ITGA11: variants seen among roughly 807,000 people sequenced by gnomAD.
The protein encoded by ITGA11 is integrin alpha-11.
In ITGA11, 97 loss-of-function variants were observed where a neutral mutation model predicts 141.9. The observed-to-expected ratio is 0.68, with a 90% CI of 0.58 to 0.81. The LOEUF (loss-of-function observed/expected upper bound fraction) is 0.81. Ranked by LOEUF, ITGA11 falls within the 30% of genes least tolerant of loss-of-function variation. ITGA11 has a pLI of 0.00. For synonymous variants in ITGA11, 658 were observed against 624.6 expected, an observed-to-expected ratio of 1.05 and a Z score of -0.80; for missense variants, 1,387 against 1,559.2, an observed-to-expected ratio of 0.89 and a Z score of 1.86.
intron 2 of ITGA11, among the ~76,000 whole-genome samples, chr15:68,371,830 G>A (rs1175770175): frequency 6.6e-6 from 1 of 152,090 alleles, no homozygotes; most frequent in Non-Finnish European, 1.5e-5. Flanking sequence ...CAGTGGCTGA[G>A]ATGGGACAAT....
In ITGA11 at chr15:68,372,847, A is replaced by G. The variant is rs796490983; in HGVS notation, c.165-3563T>C. ...CTGAATTCTGCTTATCCTCAGCTCCATTCTTCCAGGCAGTTTTGGTCTCTA... is the reference window on the plus strand; with the variant it reads ...CTGAATTCTGCTTATCCTCAGCTCCGTTCTTCCAGGCAGTTTTGGTCTCTA... On this transcript the variant is annotated intron_variant, in intron 2 of 29. Coordinates refer to ENST00000315757, the MANE Select transcript of ITGA11 (RefSeq NM_001004439.2). 6.6e-5 allele frequency among the ~76,000 whole-genome samples: 10 copies of G among 152,260 alleles called. No homozygotes were observed. In the South Asian group the frequency reaches 2.1e-3, roughly 32 times the overall value.
At chr15:68,400,194 TC>T (rs1304090966) in intron 2 of ITGA11, among the ~76,000 whole-genome samples, 3 of 152,062 alleles carry the variant, frequency 2.0e-5, no homozygotes, top group Non-Finnish European at 2.9e-5. Context: ...TTGTGCCAGA[TC>T]AACTGGCCAT....
Position 68,421,344 on chromosome 15 carries a change from G to A in ITGA11, c.52+10671C>T, listed in dbSNP as rs899480345. ...GGAGGCCCCAGGGGTGGAGCGGAGT[G>A]AGCCAGTGGGGAAGGCACAGAGGAG... On this transcript the variant is annotated intron_variant, in intron 1 of 29. Coordinates refer to ENST00000315757, the MANE Select transcript of ITGA11 (RefSeq NM_001004439.2). Among the ~76,000 whole-genome samples the A allele has an allele frequency of 3.9e-5, 6 of 152,210 alleles. No individual in the cohort carries two copies. In the South Asian group the frequency reaches 6.2e-4, roughly 16 times the overall value.
chr15:68,427,648 T>C lies in ITGA11; in HGVS notation c.52+4367A>G, dbSNP rs188562795. Among the ~76,000 whole-genome samples, 436 of 152,316 alleles carry C rather than the reference T, an allele frequency of 2.9e-3. 1 individual carries two copies. Among genetic ancestry groups the C allele is most frequent in the Admixed American group, 4.2e-3 (64 of 15,308 alleles). On this transcript the variant is annotated intron_variant, in intron 1 of 29. Transcript: ENST00000315757. ...TCCATGGAATTTTTTTGCAGCTCAC[T>C]TATTTTAGATTTACAAGATGACCAG...
chr15:68,430,902 C>G (rs1291761707), intron 1 of ITGA11, among the ~76,000 whole-genome samples: 4 of 152,222 alleles, frequency 2.6e-5, no homozygotes, highest in African/African-American at 9.6e-5. Flanking sequence ...CTGGGGCAAG[C>G]GGCTGCGGGA....
chr15:68,419,337 C>T (rs1000544631), intron 1 of ITGA11, among the ~76,000 whole-genome samples: 7 of 152,156 alleles, frequency 4.6e-5, no homozygotes, highest in African/African-American at 1.7e-4. Context: ...TCTGCCTTTG[C>T]TAGAAAATGA....
intron 1 of ITGA11, among the ~76,000 whole-genome samples, chr15:68,425,178 AAACAACAG>A (rs1490105630): frequency 2.0e-5 from 3 of 152,216 alleles, no homozygotes; most frequent in African/African-American, 7.2e-5. Flanking sequence ...CTTCCTTGCC[AAACAACAG>A]GCCCACGGGG....
At chr15:68,426,021 G>A (rs546110529) in intron 1 of ITGA11, among the ~76,000 whole-genome samples, 4 of 152,346 alleles carry the variant, frequency 2.6e-5, no homozygotes, top group Non-Finnish European at 5.9e-5. Context: ...GTTATAGAAC[G>A]AGGCTGCCCA....
At chr15:68,374,026 A>C (rs930256199) in intron 2 of ITGA11, among the ~76,000 whole-genome samples, 1 of 152,198 alleles carries the variant, frequency 6.6e-6, no homozygotes, top group African/African-American at 2.4e-5. Context: ...TAATGTTTAG[A>C]GTGTACAAGG....
At chr15:68,365,462 A>G in intron 3 of ITGA11, 1 of 424,042 alleles carries the variant, frequency 2.4e-6, no homozygotes, top group Non-Finnish European at 3.2e-6. Flanking sequence ...TCATAAAAAA[A>G]TTGCATCGCT....
chr15:68,386,002 C>T (rs1466991413), intron 2 of ITGA11, among the ~76,000 whole-genome samples: 5 of 152,134 alleles, frequency 3.3e-5, no homozygotes, highest in African/African-American at 9.7e-5. Flanking sequence ...TGTCCCTCCC[C>T]AGCCCACCAT....
intron 2 of ITGA11, among the ~76,000 whole-genome samples, chr15:68,373,005 AT>A (rs146585311): frequency 3.9e-5 from 6 of 152,098 alleles, no homozygotes; most frequent in African/African-American, 1.4e-4. Context: ...TAGTAATTCT[AT>A]TTTTTTCAGA....
chr15:68,358,117 C>G (rs184086433), intron 6 of ITGA11, among the ~76,000 whole-genome samples: 1 of 152,302 alleles, frequency 6.6e-6, no homozygotes, highest in African/African-American at 2.4e-5. Context: ...CCTCCATGAC[C>G]TGTATGTCTA....
intron 1 of ITGA11, among the ~76,000 whole-genome samples, chr15:68,413,746 C>A (rs529619446): frequency 2.0e-5 from 3 of 152,318 alleles, no homozygotes; most frequent in African/African-American, 7.2e-5. Context: ...GTTGTCGGCA[C>A]TCGAGCATCT....
intron 1 of ITGA11, among the ~76,000 whole-genome samples, chr15:68,406,464 T>C (rs7162189): frequency 0.13 from 19,438 of 152,072 alleles, 2,345 homozygotes; most frequent in African/African-American, 0.32. Context: ...AATGCTCTTC[T>C]TCCCATACCT....
intron 2 of ITGA11, among the ~76,000 whole-genome samples, chr15:68,384,493 G>A (rs559829545): frequency 7.2e-5 from 11 of 152,276 alleles, no homozygotes; most frequent in Non-Finnish European, 1.2e-4. Flanking sequence ...CAGTGAGGAC[G>A]AATGTCTGGA....
At chr15:68,336,759 C>T (rs1595865671) in intron 11 of ITGA11, among the ~76,000 whole-genome samples, 1 of 152,210 alleles carries the variant, frequency 6.6e-6, no homozygotes, top group East Asian at 1.9e-4. Context: ...ATGTCCCCTG[C>T]AATGCACGTG....
Position 68,421,210 on chromosome 15 carries a change from G to A in ITGA11, c.52+10805C>T. 3.3e-5 allele frequency among the ~76,000 whole-genome samples: 5 copies of A among 150,914 alleles called. 1 individual carries two copies. The highest frequency in any genetic ancestry group is 6.6e-5 in the Admixed American group (1 of 15,166). ...TTCCTCAGGTGGGAGGGGGAGGCTG[G>A]ATACAGCAGCCTGCAGGAAGTGAGA... On this transcript the variant is annotated intron_variant, in intron 1 of 29. Coordinates refer to ENST00000315757, the MANE Select transcript of ITGA11 (RefSeq NM_001004439.2).
chr15:68,317,339 A>T lies in ITGA11; in HGVS notation c.2641T>A (p.Cys881Ser), dbSNP rs775974751. The T allele has an allele frequency of 1.7e-5, 28 of 1,613,286 alleles. No homozygotes were observed. The highest frequency in any genetic ancestry group is 2.4e-5 in the Non-Finnish European group (28 of 1,179,602). The change falls in exon 21 of 30, where the codon TGT becomes AGT. Residue 881 changes from cysteine (C) to serine (S), a missense_variant. Cys to Ser is a moderately radical substitution (Grantham distance 112). Coordinates refer to ENST00000315757, the MANE Select transcript of ITGA11 (RefSeq NM_001004439.2). ...TGGAGCCTCCTCTCCTCGTTCACAC[A>T]CTCAATGCTACCGTCTGAGTCCTCC... is the stretch of plus-strand genomic sequence containing the variant. ...QKEDSDGSIE[C>S]VNEERRLQKQ...
Sources: gnomAD v4.1 joint callset for allele counts (sites outside exome capture counted in the v4.1 genomes callset) on GRCh38, gnomAD v4.1.1 for gene constraint, MANE v1.5 for transcripts, NCBI Gene and HGNC (gene_info 2026-07-23, HGNC 2026-07-21) for gene names.